Variants in LIN7B observed in about 807,000 individuals in gnomAD.
The protein encoded by LIN7B is lin-7 cell polarity scaffold B.
In LIN7B, 16 loss-of-function variants were observed where a neutral mutation model predicts 27.9. The observed-to-expected ratio is 0.57, with a 90% CI of 0.39 to 0.87. The LOEUF (loss-of-function observed/expected upper bound fraction) is 0.87, where lower values mean the gene tolerates loss of function less well. Among genes scored for constraint, LIN7B ranks in the 40% least tolerant of loss-of-function variants. The pLI, the probability that LIN7B is intolerant of heterozygous loss-of-function variation, is 0.00. For missense variants in LIN7B, 291 were observed against 288.5 expected (o/e 1.01, Z -0.06); for synonymous variants, 147 against 120.8 (o/e 1.22, Z -1.42).
chr19:49,114,375 A>C lies in LIN7B; in HGVS notation c.-30A>C. The C allele has an allele frequency of 8.4e-7, 1 of 1,188,732 alleles. No individual in the cohort carries two copies. The highest frequency in any genetic ancestry group is 1.0e-6 in the Non-Finnish European group (1 of 960,064). The allele number at this position is 1,188,732 out of a possible 1,614,324, so 73.6% of individuals were successfully genotyped here. A position where few individuals can be genotyped will look rare whatever the true frequency, so the allele number is the denominator to read the frequency against. On this transcript the variant is annotated 5_prime_UTR_variant, in exon 1 of 6. Transcript: ENST00000221459. Reference sequence around the variant, plus strand: ...CCGCCCTCCTCGCCGGCGCCAGGGCAGGCGGGCGGCTGGCAGCTGTGGCGC... The same window carrying C: ...CCGCCCTCCTCGCCGGCGCCAGGGCCGGCGGGCGGCTGGCAGCTGTGGCGC...
intron 3 of LIN7B, 159 bp from the exon 4 acceptor site, chr19:49,116,104 C>G: frequency 1.7e-6 from 1 of 602,248 alleles, no homozygotes; most frequent in Non-Finnish European, 2.9e-6. Flanking sequence ...AAGAGACGCA[C>G]AGTCATTACA....
intron 4 of LIN7B, 104 bp from the exon 5 acceptor site, chr19:49,117,751 C>G: frequency 1.0e-6 from 1 of 997,038 alleles, no homozygotes. Context: ...GCATTGACAT[C>G]TCAGGGCTGG....
In LIN7B at chr19:49,115,292, C is replaced by T; in HGVS notation, c.189C>T (p.Ile63=). The change falls in exon 3 of 6, where the codon ATC becomes ATT. Residue 63 remains isoleucine (I), a synonymous_variant. Transcript: ENST00000221459. The part of the protein sequence containing the change: ...VYEQLYDTLD[I]TGSAEIRAHA... Reference sequence around the variant, plus strand: ...AGCAGCTTTATGACACGCTGGACATCACCGGCAGCGCCGAGATCCGAGCCC... The same window carrying T: ...AGCAGCTTTATGACACGCTGGACATTACCGGCAGCGCCGAGATCCGAGCCC... 1 of 1,566,926 alleles carries T rather than the reference C, an allele frequency of 6.4e-7. No homozygotes were observed. Among genetic ancestry groups the T allele is most frequent in the Non-Finnish European group, 8.7e-7 (1 of 1,155,030 alleles).
In LIN7B at chr19:49,118,213, AT is replaced by A. The variant is rs1441544997; in HGVS notation, c.603-138del. 3 of 1,314,496 alleles carry A rather than the reference AT, an allele frequency of 2.3e-6. No homozygotes were observed. The African/African-American group carries it at 4.4e-5, about 19-fold the overall frequency. The allele number at this position is 1,314,496 out of a possible 1,614,324, so 81.4% of individuals were successfully genotyped here. On this transcript the variant is annotated intron_variant, in intron 5 of 5. Coordinates refer to ENST00000221459, the MANE Select transcript of LIN7B (RefSeq NM_022165.3). Reference sequence around the variant, plus strand: ...CCTGGGGAGCCCTTAGCTTCCTTCCATCCCAAGATACGGAACCTACTGTGGC... The same window carrying A: ...CCTGGGGAGCCCTTAGCTTCCTTCCACCCAAGATACGGAACCTACTGTGGC...
chr19:49,116,816 G>A (rs1032861642), intron 4 of LIN7B, among the ~76,000 whole-genome samples: 1 of 152,232 alleles, frequency 6.6e-6, no homozygotes, highest in African/African-American at 2.4e-5. Flanking sequence ...GGATGAGTAG[G>A]AGTTCTCCAG....
At position 49,114,461 on chromosome 19, in the gene LIN7B, C is replaced by T. The variant is rs985481065; in HGVS notation, c.37+20C>T. 2.0e-3 allele frequency: 2,362 copies of T among 1,207,098 alleles called. 4 individuals carry two copies. Among genetic ancestry groups the T allele is most frequent in the Admixed American group, 4.9e-3 (112 of 22,850 alleles). 74.8% of individuals were successfully genotyped at this position (1,207,098 alleles called of 1,614,324 possible). On this transcript the variant is annotated intron_variant, in intron 1 of 5. Transcript: ENST00000221459. ...AGCGGGGTAAGCGTGCGCCAGGGGG[C>T]CCTGCCCACCCGGGCCGCGGCCTAC...
chr19:49,114,768 T>A lies in LIN7B; in HGVS notation c.38-81T>A, dbSNP rs990438410. The A allele has an allele frequency of 2.1e-5, 17 of 815,288 alleles. No homozygotes were observed. The African/African-American group carries it at 3.1e-4, about 15-fold the overall frequency. The allele number at this position is 815,288 out of a possible 1,614,324, so 50.5% of individuals were successfully genotyped here. A position where few individuals can be genotyped will look rare whatever the true frequency, so the allele number is the denominator to read the frequency against. On this transcript the variant is annotated intron_variant, in intron 1 of 5. Coordinates refer to ENST00000221459, the MANE Select transcript of LIN7B (RefSeq NM_022165.3). ...TCCTCCCCGGACTGTGCGCTCGGCCTCACTCCGCCGCTCTCCTTGCTTCTC... is the reference window on the plus strand; with the variant it reads ...TCCTCCCCGGACTGTGCGCTCGGCCACACTCCGCCGCTCTCCTTGCTTCTC...
rs1418290203 is a variant in LIN7B at position 49,117,848 on chromosome 19, C to G, written c.439-7C>G. The G allele has an allele frequency of 6.2e-7, 1 of 1,612,742 alleles. No homozygotes were observed. The highest frequency in any genetic ancestry group is 8.5e-7 in the Non-Finnish European group (1 of 1,179,320). ...CCAGGCTCAGCTGTCTGTGTTGGGCCCTGCAGAGCGTTGAGGGTGAGCAGC... is the reference window on the plus strand; with the variant it reads ...CCAGGCTCAGCTGTCTGTGTTGGGCGCTGCAGAGCGTTGAGGGTGAGCAGC... On this transcript the variant is annotated splice_region_variant and splice_polypyrimidine_tract_variant and intron_variant, in intron 4 of 5. Transcript: ENST00000221459.
chr19:49,115,993 G>C (rs993996053), intron 3 of LIN7B: 1 of 371,898 alleles, frequency 2.7e-6, no homozygotes, highest in South Asian at 3.3e-5. Flanking sequence ...CTGGGCAACA[G>C]AGTGAGACTT....
At chr19:49,118,302 T>G (rs778604411) in intron 5 of LIN7B, 50 bp from the exon 6 acceptor site, 1 of 1,607,746 alleles carries the variant, frequency 6.2e-7, no homozygotes, top group African/African-American at 1.3e-5. Context: ...GCCCCTCTTG[T>G]CTACCCGGAG....
chr19:49,115,512 C>T, intron 3 of LIN7B, 181 bp downstream of exon 3: 1 of 605,288 alleles, frequency 1.7e-6, no homozygotes, highest in Admixed American at 2.9e-5. Context: ...GCATCTTTAG[C>T]AACTGCAAAT....
At chr19:49,115,103 C>G in intron 2 of LIN7B, 136 bp downstream of exon 2, 1 of 896,612 alleles carries the variant, frequency 1.1e-6, no homozygotes, top group Non-Finnish European at 1.6e-6. Context: ...AACGCTTCAG[C>G]TCAGGGGTTC....
rs2040789385 is a variant in LIN7B, at chr19:49,114,454, CA to C, written c.37+14del. 8.3e-7 allele frequency: 1 copy of C among 1,208,260 alleles called. No individual in the cohort carries two copies. Among genetic ancestry groups the C allele is most frequent in the Non-Finnish European group, 1.0e-6 (1 of 972,602 alleles). 74.8% of individuals were successfully genotyped at this position (1,208,260 alleles called of 1,614,324 possible). A position where few individuals can be genotyped will look rare whatever the true frequency, so the allele number is the denominator to read the frequency against. ...GGGCTGGAGCGGGGTAAGCGTGCGCCAGGGGGCCCTGCCCACCCGGGCCGCG... is the reference window on the plus strand; with the variant it reads ...GGGCTGGAGCGGGGTAAGCGTGCGCCGGGGGCCCTGCCCACCCGGGCCGCG... On this transcript the variant is annotated intron_variant, in intron 1 of 5. Coordinates refer to ENST00000221459, the MANE Select transcript of LIN7B (RefSeq NM_022165.3).
rs747680588 is a variant in LIN7B at position 49,115,258 on chromosome 19, A to G, written c.157-2A>G. Reference sequence around the variant, plus strand: ...CCCTGATGCCGCTGCCTCCTCACCCAGGTGTATGAGCAGCTTTATGACACG... The same window carrying G: ...CCCTGATGCCGCTGCCTCCTCACCCGGGTGTATGAGCAGCTTTATGACACG... On this transcript the variant is annotated splice_acceptor_variant, in intron 2 of 5. Transcript: ENST00000221459. LOFTEE classifies it high-confidence loss of function. 1.3e-6 allele frequency: 2 copies of G among 1,553,310 alleles called. No individual in the cohort carries two copies. The highest frequency in any genetic ancestry group is 1.7e-6 in the Non-Finnish European group (2 of 1,147,632).
At chr19:49,118,255 C>G in intron 5 of LIN7B, 97 bp from the exon 6 acceptor site, 1 of 1,435,094 alleles carries the variant, frequency 7.0e-7, no homozygotes. Context: ...TCCCTCAGCC[C>G]ACTTACCTGG....
chr19:49,116,509 T>TC, intron 4 of LIN7B, 37 bp downstream of exon 4: 1 of 1,578,906 alleles, frequency 6.3e-7, no homozygotes, highest in Non-Finnish European at 8.7e-7. Flanking sequence ...GGGGACACAG[T>TC]CTGTCTAACG....
chr19:49,114,741 C>CA (rs1196018607), intron 1 of LIN7B, 108 bp from the exon 2 acceptor site: 7 of 590,764 alleles, frequency 1.2e-5, no homozygotes, highest in Non-Finnish European at 1.8e-5. Flanking sequence ...AGGCTTCGGC[C>CA]GTCCTCCCCG....
At chr19:49,114,996 G>C in intron 2 of LIN7B, 29 bp downstream of exon 2, 1 of 1,326,158 alleles carries the variant, frequency 7.5e-7, no homozygotes, top group Non-Finnish European at 9.9e-7. Flanking sequence ...AGGGGCGCGA[G>C]CTGGTGGCCG....
In LIN7B at chr19:49,114,961, C is replaced by A; in HGVS notation, c.150C>A (p.Ile50=). ...TGCAGAGCCGCTTCTGCTCCGCTAT[C>A]CGAGAGGTGAGGGGCGCGCGGCGCA... The part of the protein sequence containing the change: ...RVLQSRFCSA[I]REVYEQLYDT... The change falls in exon 2 of 6, where the codon ATC becomes ATA. Residue 50 remains isoleucine, a synonymous_variant. Coordinates refer to ENST00000221459, the MANE Select transcript of LIN7B (RefSeq NM_022165.3). The A allele has an allele frequency of 7.0e-7, 1 of 1,427,624 alleles. No individual in the cohort carries two copies. The allele number at this position is 1,427,624 out of a possible 1,614,324, so 88.4% of individuals were successfully genotyped here. A position where few individuals can be genotyped will look rare whatever the true frequency, so the allele number is the denominator to read the frequency against.
Sources: allele counts gnomAD v4.1 joint callset (sites outside exome capture counted in the v4.1 genomes callset), GRCh38; gene constraint gnomAD v4.1.1; transcripts MANE v1.5; gene names NCBI Gene and HGNC (gene_info 2026-07-23, HGNC 2026-07-21).